CACNA1C: variants seen among roughly 807,000 people sequenced by gnomAD.
The protein encoded by CACNA1C is voltage-dependent L-type calcium channel subunit alpha-1C.
CACNA1C carries 30 observed loss-of-function variants against 229.0 expected under a neutral mutation model. That is an observed-to-expected ratio of 0.13 (90% CI 0.10 to 0.18). CACNA1C has a LOEUF of 0.18. CACNA1C is among the 10% of genes least tolerant of loss of function. CACNA1C has a pLI of 1.00. For missense variants in CACNA1C, 1,658 were observed against 2,845.0 expected (o/e 0.58, Z 9.49); for synonymous variants, 1,114 against 1,132.5 (o/e 0.98, Z 0.33).
chr12:2,144,907 C>T (rs2094570390), intron 3 of CACNA1C, among the ~76,000 whole-genome samples: 1 of 151,224 alleles, frequency 6.6e-6, no homozygotes. Flanking sequence ...AGTAAAGCCA[C>T]ACCTGTCATG....
In CACNA1C at chr12:2,505,099, G is replaced by C. The variant is rs376431932; in HGVS notation, c.1217+154G>C. Among the ~76,000 whole-genome samples, 615 of 152,200 alleles carry C rather than the reference G, an allele frequency of 4.0e-3. 7 individuals carry two copies. The highest frequency in any genetic ancestry group is 0.014 in the African/African-American group (584 of 41,538). ...AAGTGGATGTCCTTGTCCTGGCTGG[G>C]TAAAGGGTCAGATGTGCCACTGGTC... is the stretch of plus-strand genomic sequence containing the variant. On this transcript the variant is annotated intron_variant, in intron 8 of 46. Coordinates refer to ENST00000399655, the MANE Select transcript of CACNA1C (RefSeq NM_000719.7).
chr12:2,561,078 G>T (rs921744211), intron 11 of CACNA1C, among the ~76,000 whole-genome samples: 1 of 152,154 alleles, frequency 6.6e-6, no homozygotes, highest in African/African-American at 2.4e-5. Context: ...GTACATTTGC[G>T]TAGAGTTCGT....
chr12:2,345,925 GA>G (rs1168458372), intron 3 of CACNA1C, among the ~76,000 whole-genome samples: 1 of 152,214 alleles, frequency 6.6e-6, no homozygotes, highest in East Asian at 1.9e-4. Flanking sequence ...AAGGGAAGTA[GA>G]AACCCACTCG....
At chr12:2,390,543 AT>A (rs2098464499) in intron 3 of CACNA1C, among the ~76,000 whole-genome samples, 1 of 152,314 alleles carries the variant, frequency 6.6e-6, no homozygotes, top group Non-Finnish European at 1.5e-5. Context: ...ATAAGTTTTG[AT>A]TTCAGTTTTG....
intron 6 of CACNA1C, among the ~76,000 whole-genome samples, chr12:2,487,668 G>A (rs574447826): frequency 1.3e-5 from 2 of 151,846 alleles, no homozygotes; most frequent in African/African-American, 4.8e-5. Flanking sequence ...GGTCATAATT[G>A]TATAAAATAA....
Position 2,606,636 on chromosome 12 carries a change from G to A in CACNA1C, c.3182G>A (p.Ser1061Asn). ...FKGKLYTCSD[S>N]SKQTEAECKG... is the part of the protein sequence containing the mutation. ...GGAAAGCTGTACACCTGTTCAGACA[G>A]TTCCAAGCAGACAGAGGCGGAATGC... The change falls in exon 25 of 47, where the codon AGT (serine) becomes AAT (asparagine). Residue 1061 changes from serine (S) to asparagine (N), a missense_variant. Physicochemically the swap from Ser to Asn is conservative, Grantham distance 46 (BLOSUM62 1). Around this residue, in one of 20 missense-constraint regions of CACNA1C, gnomAD observed 77 missense variants for 130.9 expected, o/e 0.59. Coordinates refer to ENST00000399655, the MANE Select transcript of CACNA1C (RefSeq NM_000719.7). 1 of 1,609,218 alleles carries A rather than the reference G, an allele frequency of 6.2e-7. No individual in the cohort carries two copies. The highest frequency in any genetic ancestry group is 1.1e-5 in the South Asian group (1 of 89,604).
At chr12:2,248,686 G>A (rs574222915) in intron 3 of CACNA1C, among the ~76,000 whole-genome samples, 1 of 152,366 alleles carries the variant, frequency 6.6e-6, no homozygotes, top group South Asian at 2.1e-4. Context: ...AGAGAACAGT[G>A]TCTACCTTTA....
chr12:2,349,312 C>T (rs919123662), intron 3 of CACNA1C, among the ~76,000 whole-genome samples: 6 of 152,116 alleles, frequency 3.9e-5, no homozygotes, highest in Non-Finnish European at 7.4e-5. Flanking sequence ...CCCCTGGCAG[C>T]GTTGGGACAT....
intron 9 of CACNA1C, among the ~76,000 whole-genome samples, chr12:2,520,223 G>A (rs2099807163): frequency 1.1e-5 from 1 of 94,282 alleles, no homozygotes; most frequent in Admixed American, 1.2e-4. Flanking sequence ...CTTCAGAGGA[G>A]GGAAGCCATG....
chr12:2,302,612 C>G (rs765346111), intron 3 of CACNA1C, among the ~76,000 whole-genome samples: 3 of 152,038 alleles, frequency 2.0e-5, no homozygotes, highest in African/African-American at 2.4e-5. Context: ...GGATGGGTAG[C>G]GTGCCAACAG....
chr12:2,174,093 C>T (rs1340559689), intron 3 of CACNA1C, among the ~76,000 whole-genome samples: 4 of 151,956 alleles, frequency 2.6e-5, no homozygotes, highest in African/African-American at 4.8e-5. Context: ...ATCTAAGGGG[C>T]GAAGGAGCTG....
rs114288955 is a variant in CACNA1C, at chr12:2,637,422, C to T, written c.3912+3042C>T. 5.1e-3 allele frequency among the ~76,000 whole-genome samples: 772 copies of T among 152,314 alleles called. 5 individuals carry two copies. The highest frequency in any genetic ancestry group is 0.017 in the African/African-American group (717 of 41,566). Reference sequence around the variant, plus strand: ...CTAATTATAACTTACAACCCACAGTCGAAAGCCCTGTTTCCCAGATATGCT... The same window carrying T: ...CTAATTATAACTTACAACCCACAGTTGAAAGCCCTGTTTCCCAGATATGCT... On this transcript the variant is annotated intron_variant, in intron 30 of 46. Transcript: ENST00000399655.
At chr12:2,416,297 T>C (rs2098898869) in intron 3 of CACNA1C, among the ~76,000 whole-genome samples, 1 of 151,584 alleles carries the variant, frequency 6.6e-6, no homozygotes, top group Non-Finnish European at 1.5e-5. Context: ...GCCTGGAAAG[T>C]ATCAGGCACA....
intron 1 of CACNA1C, chr12:1,992,365 T>C (rs1175238775): frequency 1.3e-5 from 2 of 153,962 alleles, no homozygotes; most frequent in African/African-American, 4.8e-5. Context: ...ATTTACATTA[T>C]ACTCATTAAA....
intron 21 of CACNA1C, among the ~76,000 whole-genome samples, chr12:2,598,489 G>C (rs115274391): frequency 0.012 from 1,896 of 152,342 alleles, 41 homozygotes; most frequent in African/African-American, 0.042. Context: ...GAGCAAGGGG[G>C]TAGATTCTAC....
intron 3 of CACNA1C, among the ~76,000 whole-genome samples, chr12:2,373,967 C>A (rs2097945728): frequency 6.6e-6 from 1 of 152,152 alleles, no homozygotes; most frequent in African/African-American, 2.4e-5. Flanking sequence ...CAGCGGGGGC[C>A]TTACAGATCA....
At chr12:2,117,734 T>G (rs2084594730) in intron 2 of CACNA1C, among the ~76,000 whole-genome samples, 2 of 152,248 alleles carry the variant, frequency 1.3e-5, no homozygotes, top group Admixed American at 1.3e-4. Context: ...CCAGGTGCAC[T>G]GGGACACGCC....
chr12:2,685,255 C>T (rs933426994), intron 43 of CACNA1C, among the ~76,000 whole-genome samples: 1 of 150,236 alleles, frequency 6.7e-6, no homozygotes, highest in African/African-American at 2.5e-5. Context: ...ACTGAGTGAC[C>T]GTAGAGTGGT....
At chr12:2,256,124 G>A (rs191226186) in intron 3 of CACNA1C, among the ~76,000 whole-genome samples, 1,309 of 127,440 alleles carry the variant, frequency 0.01, 19 homozygotes, top group South Asian at 0.019. Context: ...ACAACTCAGG[G>A]ATGGGGTAGG....
Sources: allele counts gnomAD v4.1 joint callset (sites outside exome capture counted in the v4.1 genomes callset), GRCh38; gene constraint gnomAD v4.1.1; regional missense constraint gnomAD v4.1.1; transcripts MANE v1.5; gene names NCBI Gene and HGNC (gene_info 2026-07-23, HGNC 2026-07-21).